Variants in GPC1 observed in about 807,000 individuals in gnomAD.
The protein encoded by GPC1 is glypican 1.
Under a neutral mutation model 51.5 loss-of-function variants are expected in GPC1, and 26 were observed. The observed-to-expected ratio is 0.50, with a 90% confidence interval of 0.37 to 0.70. The LOEUF (loss-of-function observed/expected upper bound fraction) is 0.70, where lower values mean the gene tolerates loss of function less well. GPC1 is among the 30% of genes least tolerant of loss of function. The pLI, the probability that GPC1 is intolerant of heterozygous loss-of-function variation, is 0.00. For missense variants in GPC1, 775 were observed against 800.5 expected (o/e 0.97, Z 0.38); for synonymous variants, 380 against 348.3 (o/e 1.09, Z -1.01).
chr2:240,462,233 A>C lies in GPC1; in HGVS notation c.368A>C (p.Gln123Pro). The C allele has an allele frequency of 1.2e-6, 2 of 1,610,076 alleles. No individual in the cohort carries two copies. Among genetic ancestry groups the C allele is most frequent in the Non-Finnish European group, 1.7e-6 (2 of 1,178,378 alleles). ...HLLNDSERTL[Q>P]ATFPGAFGEL... ...CTGAACGACTCGGAGCGGACGCTGC[A>C]GGCCACCTTCCCCGGCGCCTTCGGA... Residue 123 changes from glutamine (Q) to proline (P), a missense_variant, in exon 3 of 9, where the codon CAG (glutamine) becomes CCG (proline). Gln to Pro is a moderately conservative substitution (Grantham distance 76). Coordinates refer to ENST00000264039, the MANE Select transcript of GPC1 (RefSeq NM_002081.3).
rs2074261889 is a variant in GPC1, at chr2:240,466,355, AT to A, written c.*68del. On this transcript the variant is annotated 3_prime_UTR_variant, in exon 9 of 9. Coordinates refer to ENST00000264039, the MANE Select transcript of GPC1 (RefSeq NM_002081.3). The stretch of plus-strand genomic sequence containing the variant: ...TTGCCAAAAATACAACACAGACGAT[AT>A]TTAATTCACCTCAGCCTGGAGAGGC... 1.1e-6 allele frequency: 1 copy of A among 917,990 alleles called. No homozygotes were observed. The highest frequency in any genetic ancestry group is 1.6e-5 in the African/African-American group (1 of 61,628). 56.9% of individuals were successfully genotyped at this position (917,990 alleles called of 1,614,324 possible). A position where few individuals can be genotyped will look rare whatever the true frequency, so the allele number is the denominator to read the frequency against.
chr2:240,464,442 C>T (rs1039315476), intron 4 of GPC1, 174 bp from the exon 5 acceptor site: 13 of 741,024 alleles, frequency 1.8e-5, no homozygotes, highest in South Asian at 3.3e-5. Flanking sequence ...GCTGAGTGCA[C>T]GTGGCCTGCA....
intron 4 of GPC1, chr2:240,464,245 C>T (rs2074241003): frequency 3.3e-6 from 1 of 306,504 alleles, no homozygotes; most frequent in Non-Finnish European, 6.4e-6. Context: ...GCATACACAC[C>T]AGCTCACACG....
At chr2:240,447,749 C>T (rs74001657) in intron 1 of GPC1, among the ~76,000 whole-genome samples, 2,792 of 152,308 alleles carry the variant, frequency 0.018, 78 homozygotes, top group African/African-American at 0.064. Context: ...CTGGCCCGCC[C>T]TCTGCCCAGC....
intron 1 of GPC1, among the ~76,000 whole-genome samples, chr2:240,455,375 G>T (rs1449676258): frequency 6.6e-6 from 1 of 152,204 alleles, no homozygotes; most frequent in African/African-American, 2.4e-5. Context: ...CCAGTCCCTG[G>T]CCCAGCGGGG....
Position 240,435,944 on chromosome 2 carries a change from GGCT to G in GPC1, c.30_32del (p.Leu11del), listed in dbSNP as rs1470947612. ...ATGGAGCTCCGGGCCCGAGGCTGGT[GGCT>G]GCTATGTGCGGCCGCAGCGCTGGTC... On this transcript the variant is annotated inframe_deletion, in exon 1 of 9. Coordinates refer to ENST00000264039, the MANE Select transcript of GPC1 (RefSeq NM_002081.3). The G allele has an allele frequency of 2.3e-6, 3 of 1,284,410 alleles. No homozygotes were observed. Among genetic ancestry groups the G allele is most frequent in the African/African-American group, 3.1e-5 (2 of 64,602 alleles). The allele number at this position is 1,284,410 out of a possible 1,614,324, so 79.6% of individuals were successfully genotyped here.
In GPC1 at chr2:240,465,582, C is replaced by G. The variant is rs770730143; in HGVS notation, c.1378C>G (p.Leu460Val). The G allele has an allele frequency of 1.9e-6, 3 of 1,613,150 alleles. No individual in the cohort carries two copies. Among genetic ancestry groups the G allele is most frequent in the Middle Eastern group, 1.6e-4 (1 of 6,062 alleles). Residue 460 changes from leucine (L) to valine (V), a missense_variant, in exon 8 of 9, where the codon CTG becomes GTG. Transcript: ENST00000264039. The stretch of plus-strand genomic sequence containing the variant: ...GACCATCCGGCAGCAGATCATGCAG[C>G]TGAAGATCATGACCAACCGGCTGCG... ...DMTIRQQIMQ[L>V]KIMTNRLRSA...
chr2:240,458,258 TGA>T (rs2074186904), intron 1 of GPC1: 1 of 330,794 alleles, frequency 3.0e-6, no homozygotes, highest in African/African-American at 2.1e-5. Context: ...ACAGCAGGGC[TGA>T]GAGCTGACTC....
At chr2:240,436,702 T>A (rs889089390) in intron 1 of GPC1, among the ~76,000 whole-genome samples, 1 of 152,218 alleles carries the variant, frequency 6.6e-6, no homozygotes, top group Non-Finnish European at 1.5e-5. Context: ...TGGGCACTTA[T>A]CCGCGGGCGG....
intron 1 of GPC1, among the ~76,000 whole-genome samples, chr2:240,443,976 A>G (rs1349908690): frequency 6.6e-6 from 1 of 152,228 alleles, no homozygotes; most frequent in Non-Finnish European, 1.5e-5. Flanking sequence ...CCTGGCTAGC[A>G]GGGGTGAGGC....
intron 2 of GPC1, among the ~76,000 whole-genome samples, chr2:240,461,193 C>G (rs1362278903): frequency 1.3e-5 from 2 of 152,206 alleles, no homozygotes; most frequent in African/African-American, 4.8e-5. Context: ...GTCCACCCTC[C>G]CCACAGCGGC....
At chr2:240,445,106 C>T (rs2074040697) in intron 1 of GPC1, among the ~76,000 whole-genome samples, 1 of 152,208 alleles carries the variant, frequency 6.6e-6, no homozygotes, top group Admixed American at 6.5e-5. Context: ...GATGCCCCCT[C>T]CCCGAGCCTG....
chr2:240,450,751 T>TGAAATGAC, intron 1 of GPC1: 1 of 469,954 alleles, frequency 2.1e-6, no homozygotes, highest in South Asian at 1.6e-5. Context: ...ACTGGGCAGA[T>TGAAATGAC]TCCCCCCGAC....
intron 1 of GPC1, among the ~76,000 whole-genome samples, chr2:240,446,616 C>T (rs2074052538): frequency 6.6e-6 from 1 of 152,346 alleles, no homozygotes; most frequent in South Asian, 2.1e-4. Flanking sequence ...CAGTTTGGCC[C>T]CTCTCTTGCC....
intron 1 of GPC1, among the ~76,000 whole-genome samples, chr2:240,443,685 C>G (rs1363225247): frequency 1.3e-5 from 2 of 152,340 alleles, no homozygotes; most frequent in African/African-American, 2.4e-5. Context: ...CTGGTGGGCT[C>G]TCAAGGTCTT....
rs1483071621 is a variant in GPC1 at position 240,466,875 on chromosome 2, C to T, written c.*585C>T. On this transcript the variant is annotated 3_prime_UTR_variant, in exon 9 of 9. Transcript: ENST00000264039. ...TCCCTGCGCCCTTGAGGGGCCCCAGCGTCTGCAGGGTGACGCCTGAGACAG... is the reference window on the plus strand; with the variant it reads ...TCCCTGCGCCCTTGAGGGGCCCCAGTGTCTGCAGGGTGACGCCTGAGACAG... 1.3e-5 allele frequency: 2 copies of T among 152,892 alleles called. No homozygotes were observed. Among genetic ancestry groups the T allele is most frequent in the Admixed American group, 6.5e-5 (1 of 15,340 alleles). The allele number at this position is 152,892 out of a possible 1,614,324, so 9.5% of individuals were successfully genotyped here.
chr2:240,449,636 C>G (rs1166362267), intron 1 of GPC1: 2 of 319,414 alleles, frequency 6.3e-6, no homozygotes, highest in Non-Finnish European at 1.2e-5. Context: ...GTGCGGCCGT[C>G]ACCCCCATCC....
At chr2:240,452,567 C>G (rs1160263768) in intron 1 of GPC1, 1 of 152,160 alleles carries the variant, frequency 6.6e-6, no homozygotes, top group African/African-American at 2.4e-5. Context: ...CGCTTAGCTG[C>G]AGTGGGGAGC....
In GPC1 at chr2:240,465,522, C is replaced by T. The variant is rs1212416077; in HGVS notation, c.1318C>T (p.Pro440Ser). 1 of 1,613,086 alleles carries T rather than the reference C, an allele frequency of 6.2e-7. No homozygotes were observed. Among genetic ancestry groups the T allele is most frequent in the South Asian group, 1.1e-5 (1 of 91,088 alleles). The change falls in exon 8 of 9, where the codon CCC (proline) becomes TCC (serine). Residue 440 changes from proline (P) to serine (S), a missense_variant. By Grantham distance (74) the Pro-to-Ser change is moderately conservative (BLOSUM62 -1). Transcript: ENST00000264039. ...GDGLANQINN[P>S]EVEVDITKPD... ...CGGCCTGGCCAACCAGATCAACAACCCCGAGGTGGAGGTGGACATCACCAA... is the reference window on the plus strand; with the variant it reads ...CGGCCTGGCCAACCAGATCAACAACTCCGAGGTGGAGGTGGACATCACCAA...
Sources: allele counts gnomAD v4.1 joint callset (sites outside exome capture counted in the v4.1 genomes callset), GRCh38; gene constraint gnomAD v4.1.1; transcripts MANE v1.5; gene names NCBI Gene and HGNC (gene_info 2026-07-23, HGNC 2026-07-21).